The following PCSK6 variants were observed in gnomAD, a reference collection of about 807,000 sequenced individuals.
PCSK6 encodes paired basic amino acid cleaving enzyme 4.
A neutral mutation model predicts 123.3 loss-of-function variants in PCSK6; 85 were observed. That is an observed-to-expected ratio of 0.69 (90% CI 0.58 to 0.83). The LOEUF (loss-of-function observed/expected upper bound fraction) is 0.83. PCSK6 is among the 40% of genes least tolerant of loss of function. PCSK6 has a pLI of 0.00. For missense variants in PCSK6, 1,191 were observed against 1,282.3 expected (o/e 0.93, Z 1.09); for synonymous variants, 508 against 516.0 (o/e 0.98, Z 0.21).
chr15:101,311,350 C>T (rs1348704321), intron 20 of PCSK6, among the ~76,000 whole-genome samples: 1 of 147,458 alleles, frequency 6.8e-6, no homozygotes, highest in African/African-American at 2.5e-5. Flanking sequence ...TGGTCTTGAA[C>T]TCCTGGCCTC....
intron 1 of PCSK6, among the ~76,000 whole-genome samples, chr15:101,473,625 A>T (rs899657502): frequency 6.6e-6 from 1 of 152,248 alleles, no homozygotes; most frequent in African/African-American, 2.4e-5. Flanking sequence ...TCTTGTGCTA[A>T]AATGAATGGT....
In PCSK6 at chr15:101,465,817, T is replaced by A. The variant is rs184674454; in HGVS notation, c.298-22157A>T. Among the ~76,000 whole-genome samples the A allele has an allele frequency of 1.3e-4, 20 of 152,242 alleles. No individual in the cohort carries two copies. In the East Asian group the frequency reaches 2.3e-3, roughly 18 times the overall value. ...ATCTTTAAGGAAACCACTAAAAAAA[T>A]TTTAAGAGAAGTATAATCGACACAT... On this transcript the variant is annotated intron_variant, in intron 1 of 21. Transcript: ENST00000611716.
intron 2 of PCSK6, among the ~76,000 whole-genome samples, chr15:101,438,618 A>G (rs1246133788): frequency 6.6e-6 from 1 of 152,152 alleles, no homozygotes; most frequent in Non-Finnish European, 1.5e-5. Flanking sequence ...CCGCCTTCCC[A>G]TCGCCTCTCC....
At chr15:101,444,627 C>T (rs919123947) in intron 1 of PCSK6, among the ~76,000 whole-genome samples, 1 of 152,152 alleles carries the variant, frequency 6.6e-6, no homozygotes, top group Non-Finnish European at 1.5e-5. Flanking sequence ...ACCCTTCCTA[C>T]CCCTCCACCA....
At chr15:101,364,714 T>G (rs1400594496) in intron 13 of PCSK6, among the ~76,000 whole-genome samples, 1 of 152,212 alleles carries the variant, frequency 6.6e-6, no homozygotes, top group Non-Finnish European at 1.5e-5. Flanking sequence ...GACTTAATAT[T>G]GTTAATGTGG....
At chr15:101,402,817 T>C (rs1216714635) in intron 6 of PCSK6, among the ~76,000 whole-genome samples, 4 of 152,162 alleles carry the variant, frequency 2.6e-5, no homozygotes, top group Non-Finnish European at 4.4e-5. Context: ...TTTTACACTG[T>C]TGGTGGGACT....
intron 1 of PCSK6, among the ~76,000 whole-genome samples, chr15:101,478,188 T>C (rs1409978015): frequency 6.6e-6 from 1 of 152,192 alleles, no homozygotes; most frequent in African/African-American, 2.4e-5. Context: ...CCCTTACTAC[T>C]ATAGCAGGTT....
At chr15:101,482,054 C>G (rs1452175037) in intron 1 of PCSK6, among the ~76,000 whole-genome samples, 1 of 152,260 alleles carries the variant, frequency 6.6e-6, no homozygotes, top group East Asian at 1.9e-4. Context: ...CTGGTGGGGT[C>G]TCCGGAGGTT....
intron 1 of PCSK6, among the ~76,000 whole-genome samples, chr15:101,467,919 G>C (rs796604364): frequency 3.3e-5 from 5 of 152,356 alleles, no homozygotes; most frequent in African/African-American, 9.6e-5. Flanking sequence ...AGGGTGCAAG[G>C]AACGCGTAGG....
chr15:101,363,084 G>A (rs559475602), intron 13 of PCSK6, among the ~76,000 whole-genome samples: 51 of 152,354 alleles, frequency 3.3e-4, no homozygotes, highest in Non-Finnish European at 6.0e-4. Flanking sequence ...CAGAGAAGTG[G>A]GTGGTGGCTG....
intron 20 of PCSK6, among the ~76,000 whole-genome samples, chr15:101,312,607 G>A (rs1157045039): frequency 6.6e-6 from 1 of 152,194 alleles, no homozygotes. Context: ...GAGGTGGGTG[G>A]ATCACTTGAG....
chr15:101,428,962 A>G (rs762931071), intron 5 of PCSK6, among the ~76,000 whole-genome samples: 6 of 152,138 alleles, frequency 3.9e-5, no homozygotes, highest in Non-Finnish European at 8.8e-5. Flanking sequence ...GCACCTTGGG[A>G]CGTGCATGAG....
intron 11 of PCSK6, among the ~76,000 whole-genome samples, chr15:101,379,480 C>A (rs1363276644): frequency 6.6e-6 from 1 of 152,204 alleles, no homozygotes; most frequent in Non-Finnish European, 1.5e-5. Context: ...GTCACCATAT[C>A]CCACGCAGTG....
intron 19 of PCSK6, among the ~76,000 whole-genome samples, chr15:101,317,501 A>G (rs1239065336): frequency 7.2e-6 from 1 of 138,492 alleles, no homozygotes; most frequent in Admixed American, 7.0e-5. Flanking sequence ...AATTGTTTAT[A>G]GAATTCTTTT....
At chr15:101,474,479 C>T (rs1250815905) in intron 1 of PCSK6, among the ~76,000 whole-genome samples, 1 of 152,230 alleles carries the variant, frequency 6.6e-6, no homozygotes, top group Non-Finnish European at 1.5e-5. Context: ...CGTCCGGGGC[C>T]AGGCTTTGAG....
At chr15:101,453,584 T>C (rs2057093097) in intron 1 of PCSK6, among the ~76,000 whole-genome samples, 1 of 152,152 alleles carries the variant, frequency 6.6e-6, no homozygotes, top group African/African-American at 2.4e-5. Flanking sequence ...GGATCCGACA[T>C]GCGCTCTCCC....
chr15:101,432,445 A>C (rs1445299284), intron 2 of PCSK6, among the ~76,000 whole-genome samples: 1 of 142,218 alleles, frequency 7.0e-6, no homozygotes, highest in African/African-American at 2.8e-5. Context: ...CAACATGGTG[A>C]AACCCCACCT....
intron 19 of PCSK6, among the ~76,000 whole-genome samples, chr15:101,314,859 G>T (rs987783873): frequency 6.6e-6 from 1 of 152,208 alleles, no homozygotes; most frequent in South Asian, 2.1e-4. Context: ...ACTCTGTCTG[G>T]TTTATGTTGT....
intron 11 of PCSK6, among the ~76,000 whole-genome samples, chr15:101,375,519 A>G (rs1346750104): frequency 6.6e-6 from 1 of 152,234 alleles, no homozygotes; most frequent in East Asian, 1.9e-4. Context: ...AAGAGAAAAT[A>G]AAATATACAG....
Sources: allele counts gnomAD v4.1 joint callset (sites outside exome capture counted in the v4.1 genomes callset), GRCh38; gene constraint gnomAD v4.1.1; transcripts MANE v1.5; gene names NCBI Gene and HGNC (gene_info 2026-07-23, HGNC 2026-07-21).